Variants in EPHA6 observed in about 807,000 individuals in gnomAD.
EPHA6 encodes the protein ephrin type-A receptor 6.
A neutral mutation model predicts 112.0 loss-of-function variants in EPHA6; 50 were observed. The observed-to-expected ratio is 0.45, with a 90% CI of 0.36 to 0.56. The LOEUF is 0.56. Among genes scored for constraint, EPHA6 ranks in the 20% least tolerant of loss-of-function variants. EPHA6 has a pLI of 0.00. For synonymous variants in EPHA6, 529 were observed against 490.7 expected (o/e 1.08, Z -1.03); for missense variants, 1,280 against 1,417.4 (o/e 0.90, Z 1.56).
At chr3:97,614,515 T>TA (rs2093748661) in intron 13 of EPHA6, among the ~76,000 whole-genome samples, 1 of 148,838 alleles carries the variant, frequency 6.7e-6, no homozygotes, top group African/African-American at 2.5e-5. Context: ...TTTTTTTTTT[T>TA]TTTTTTTTTT....
intron 1 of EPHA6, among the ~76,000 whole-genome samples, chr3:96,829,515 G>A (rs62262932): frequency 3.1e-3 from 466 of 151,838 alleles, no homozygotes; most frequent in Non-Finnish European, 4.4e-3. Flanking sequence ...AGGAATATGT[G>A]CCCTTCATAA....
chr3:97,411,741 A>T (rs1467413880), intron 6 of EPHA6, among the ~76,000 whole-genome samples: 2 of 152,108 alleles, frequency 1.3e-5, no homozygotes, highest in Non-Finnish European at 2.9e-5. Context: ...TGAGTTTTAC[A>T]TAGGCCAGGA....
intron 5 of EPHA6, among the ~76,000 whole-genome samples, chr3:97,287,654 A>G (rs1477818096): frequency 4.6e-5 from 7 of 152,090 alleles, no homozygotes; most frequent in Admixed American, 3.9e-4. Context: ...TGTTGTTTCT[A>G]TCTATTGTGA....
rs2035981962 is a variant in EPHA6 at position 97,754,668 on chromosome 3, C to T, written c.*5967C>T. Among the ~76,000 whole-genome samples the T allele has an allele frequency of 6.6e-6, 1 of 152,184 alleles. No individual in the cohort carries two copies. The highest frequency in any genetic ancestry group is 2.4e-5 in the African/African-American group (1 of 41,462). Reference sequence around the variant, plus strand: ...TCAGTGACATCAAGTGATTTTTGCACTGTCCCATTGAAAGCAAAGTTTCCT... The same window carrying T: ...TCAGTGACATCAAGTGATTTTTGCATTGTCCCATTGAAAGCAAAGTTTCCT... On this transcript the variant is annotated 3_prime_UTR_variant, in exon 18 of 18. Transcript: ENST00000389672.
At position 97,617,685 on chromosome 3, in the gene EPHA6, A is replaced by G. The variant is rs534043527; in HGVS notation, c.2574+6831A>G. Among the ~76,000 whole-genome samples the G allele has an allele frequency of 3.9e-5, 6 of 152,272 alleles. No homozygotes were observed. The East Asian group carries it at 7.7e-4, about 20-fold the overall frequency. Reference sequence around the variant, plus strand: ...CAACAAAGATCAAAAAAGACAAAGAAAGGTATTACATAATGGTAAAGGGTT... The same window carrying G: ...CAACAAAGATCAAAAAAGACAAAGAGAGGTATTACATAATGGTAAAGGGTT... On this transcript the variant is annotated intron_variant, in intron 13 of 17. Transcript: ENST00000389672.
intron 4 of EPHA6, among the ~76,000 whole-genome samples, chr3:97,238,388 A>G (rs1008977009): frequency 1.3e-5 from 2 of 152,100 alleles, no homozygotes; most frequent in East Asian, 1.9e-4. Flanking sequence ...AATTTGTACT[A>G]TGTGCAATAT....
intron 2 of EPHA6, among the ~76,000 whole-genome samples, chr3:96,940,837 T>G (rs1415339975): frequency 1.3e-5 from 2 of 152,198 alleles, no homozygotes; most frequent in African/African-American, 4.8e-5. Flanking sequence ...GTAAAGGATT[T>G]TATTTCTCCT....
chr3:97,366,774 T>G (rs953494013), intron 5 of EPHA6, among the ~76,000 whole-genome samples: 10 of 152,192 alleles, frequency 6.6e-5, no homozygotes, highest in Non-Finnish European at 1.2e-4. Flanking sequence ...TACAAAACCT[T>G]GGATTGTAAG....
intron 9 of EPHA6, among the ~76,000 whole-genome samples, chr3:97,480,609 T>C (rs987496737): frequency 6.6e-6 from 1 of 152,244 alleles, no homozygotes; most frequent in Non-Finnish European, 1.5e-5. Flanking sequence ...CAGAACAAAA[T>C]GGAGTCTCCT....
chr3:97,265,946 C>G (rs569994222), intron 5 of EPHA6, among the ~76,000 whole-genome samples: 112 of 152,340 alleles, frequency 7.4e-4, no homozygotes, highest in African/African-American at 2.5e-3. Context: ...GTCCCATGGA[C>G]TGTAGTTTAC....
At chr3:97,373,689 G>T (rs1215128773) in intron 5 of EPHA6, among the ~76,000 whole-genome samples, 1 of 152,010 alleles carries the variant, frequency 6.6e-6, no homozygotes, top group Non-Finnish European at 1.5e-5. Flanking sequence ...GAAAGAGAGA[G>T]GTGATCATTT....
chr3:96,910,783 C>T (rs974791843), intron 2 of EPHA6, among the ~76,000 whole-genome samples: 1 of 152,026 alleles, frequency 6.6e-6, no homozygotes, highest in Non-Finnish European at 1.5e-5. Flanking sequence ...ATCCCCTTAA[C>T]CTCCATTCTT....
intron 3 of EPHA6, among the ~76,000 whole-genome samples, chr3:97,057,605 G>A (rs1199470547): frequency 6.6e-6 from 1 of 152,168 alleles, no homozygotes; most frequent in Non-Finnish European, 1.5e-5. Context: ...CAGAGTAAAA[G>A]TATCAGGAGA....
intron 15 of EPHA6, among the ~76,000 whole-genome samples, chr3:97,721,255 T>C (rs1245921754): frequency 1.3e-5 from 2 of 152,126 alleles, no homozygotes; most frequent in Non-Finnish European, 2.9e-5. Flanking sequence ...TATTGCCACA[T>C]CTCATTTATT....
At chr3:97,659,940 T>C (rs1183360466) in intron 14 of EPHA6, among the ~76,000 whole-genome samples, 1 of 151,948 alleles carries the variant, frequency 6.6e-6, no homozygotes, top group Non-Finnish European at 1.5e-5. Context: ...CAGAAAGATA[T>C]AAGGCATTTT....
At chr3:97,151,031 G>T (rs1417358079) in intron 3 of EPHA6, among the ~76,000 whole-genome samples, 1 of 152,076 alleles carries the variant, frequency 6.6e-6, no homozygotes, top group Non-Finnish European at 1.5e-5. Flanking sequence ...ATACTACATA[G>T]AAGTCTCCAG....
intron 2 of EPHA6, among the ~76,000 whole-genome samples, chr3:96,973,757 G>T (rs2042405318): frequency 1.3e-5 from 2 of 149,714 alleles, no homozygotes; most frequent in African/African-American, 4.9e-5. Flanking sequence ...ACCCGGGCGT[G>T]GGGGCTGCAG....
chr3:97,282,296 C>G (rs1297941057), intron 5 of EPHA6, among the ~76,000 whole-genome samples: 1 of 152,120 alleles, frequency 6.6e-6, no homozygotes, highest in Non-Finnish European at 1.5e-5. Context: ...GAGATACCAT[C>G]TCGTGCCACT....
At chr3:97,542,269 T>G (rs1039764444) in intron 11 of EPHA6, among the ~76,000 whole-genome samples, 2 of 151,880 alleles carry the variant, frequency 1.3e-5, no homozygotes, top group African/African-American at 2.4e-5. Flanking sequence ...CAGTACCCAG[T>G]GTGTGTGATG....
Sources: gnomAD v4.1 joint callset for allele counts (sites outside exome capture counted in the v4.1 genomes callset) on GRCh38, gnomAD v4.1.1 for gene constraint, MANE v1.5 for transcripts, NCBI Gene and HGNC (gene_info 2026-07-23, HGNC 2026-07-21) for gene names.